PARP11: variants seen among roughly 807,000 people sequenced by gnomAD.
PARP11 encodes poly(ADP-ribose) polymerase family member 11.
A neutral mutation model predicts 42.9 loss-of-function variants in PARP11; 31 were observed. That is an observed-to-expected ratio of 0.72 (90% confidence interval 0.54 to 0.98). The LOEUF is 0.98. Among genes scored for constraint, PARP11 ranks in the 50% least tolerant of loss-of-function variants. PARP11 has a pLI of 0.00. For missense variants in PARP11, 365 were observed against 413.1 expected (o/e 0.88, Z 1.01); for synonymous variants, 137 against 127.3 (o/e 1.08, Z -0.51).
rs760257043 is a variant in PARP11 at position 3,826,241 on chromosome 12, C to T, written c.269-8G>A. On this transcript the variant is annotated splice_polypyrimidine_tract_variant and splice_region_variant and intron_variant, in intron 3 of 7. Transcript: ENST00000228820. ...GATTCATTTGCTTCATTTCTGTATA[C>T]AAAGACAAGATATTAGATAAGTCAT... 1.3e-6 allele frequency: 2 copies of T among 1,572,314 alleles called. No individual in the cohort carries two copies. Among genetic ancestry groups the T allele is most frequent in the Non-Finnish European group, 1.7e-6 (2 of 1,163,236 alleles).
At chr12:3,823,129 TAATA>T (rs1947436711) in intron 4 of PARP11, among the ~76,000 whole-genome samples, 5 of 152,214 alleles carry the variant, frequency 3.3e-5, no homozygotes, top group African/African-American at 1.2e-4. Flanking sequence ...CTAAATAAAT[TAATA>T]AATTTCAAAC....
intron 3 of PARP11, 103 bp from the exon 4 acceptor site, chr12:3,826,336 A>G: frequency 1.3e-6 from 1 of 755,160 alleles, no homozygotes. Flanking sequence ...GGAATCATGG[A>G]GCTTCGGGAG....
chr12:3,853,633 A>G (rs1273567536), intron 1 of PARP11, among the ~76,000 whole-genome samples: 2 of 152,212 alleles, frequency 1.3e-5, no homozygotes, highest in African/African-American at 2.4e-5. Context: ...AGATTCATAA[A>G]GCAAGTCCTT....
chr12:3,872,602 C>T, intron 1 of PARP11: 1 of 984,276 alleles, frequency 1.0e-6, no homozygotes, highest in Non-Finnish European at 1.2e-6. Flanking sequence ...ACATACAGTC[C>T]ATACTCCAAG....
At chr12:3,860,563 G>A (rs74056010) in intron 1 of PARP11, among the ~76,000 whole-genome samples, 1 of 152,094 alleles carries the variant, frequency 6.6e-6, no homozygotes, top group African/African-American at 2.4e-5. Context: ...AAGATTTCAT[G>A]GAACTTGCTC....
At chr12:3,863,218 C>T (rs1489340004) in intron 1 of PARP11, among the ~76,000 whole-genome samples, 2 of 152,176 alleles carry the variant, frequency 1.3e-5, no homozygotes, top group East Asian at 3.8e-4. Flanking sequence ...AATTCCATAT[C>T]TAGCAACCTT....
intron 1 of PARP11, among the ~76,000 whole-genome samples, chr12:3,866,531 T>C (rs1381545581): frequency 6.6e-6 from 1 of 152,220 alleles, no homozygotes; most frequent in African/African-American, 2.4e-5. Context: ...AAAATCACTT[T>C]ATTTTCTTTA....
chr12:3,848,586 T>C (rs1400925725), intron 1 of PARP11, among the ~76,000 whole-genome samples: 1 of 152,158 alleles, frequency 6.6e-6, no homozygotes, highest in Non-Finnish European at 1.5e-5. Flanking sequence ...CTGGGAAAAC[T>C]GAATAAAGAC....
intron 6 of PARP11, among the ~76,000 whole-genome samples, chr12:3,815,948 G>A (rs1947278334): frequency 1.3e-5 from 2 of 152,170 alleles, no homozygotes; most frequent in East Asian, 1.9e-4. Flanking sequence ...AGATGAAAAC[G>A]CATACGGTCT....
chr12:3,840,268 T>C lies in PARP11; in HGVS notation c.19-10250A>G. On this transcript the variant is annotated intron_variant, in intron 1 of 7. Transcript: ENST00000228820. This position sits in a 1 kb window ranked among gnomAD's most constrained non-coding sequence, Gnocchi z 4.4. ...AGTTTTGGTTGAAGAACTGGGAAAG[T>C]ACACATCAAAGAACCTCAAGGCACC... The C allele has an allele frequency of 1.2e-6, 2 of 1,613,846 alleles. No individual in the cohort carries two copies. Among genetic ancestry groups the C allele is most frequent in the Non-Finnish European group, 1.7e-6 (2 of 1,179,760 alleles).
At chr12:3,841,881 T>C (rs1442452666) in intron 1 of PARP11, 5 of 1,608,060 alleles carry the variant, frequency 3.1e-6, no homozygotes, top group Non-Finnish European at 2.6e-6. Flanking sequence ...CTAAAGATTG[T>C]GGTTCAGTTT....
In PARP11 at chr12:3,824,128, A is replaced by T. The variant is rs547294405; in HGVS notation, c.345-1971T>A. 2.5e-4 allele frequency among the ~76,000 whole-genome samples: 38 copies of T among 152,230 alleles called. No individual in the cohort carries two copies. The South Asian group carries it at 7.9e-3, about 32-fold the overall frequency. ...TATAGAAATCATCTGTTTTCCCACA[A>T]CCACTCCAAAAAGGTGTGTGATCAA... On this transcript the variant is annotated intron_variant, in intron 4 of 7. Transcript: ENST00000228820.
At chr12:3,835,281 C>A (rs1344390392) in intron 1 of PARP11, among the ~76,000 whole-genome samples, 2 of 152,136 alleles carry the variant, frequency 1.3e-5, no homozygotes, top group Admixed American at 1.3e-4. Flanking sequence ...CATAAGTAGT[C>A]AGGTTAAGAG....
intron 1 of PARP11, among the ~76,000 whole-genome samples, chr12:3,868,114 A>C (rs1008371461): frequency 2.7e-5 from 4 of 149,198 alleles, no homozygotes; most frequent in Admixed American, 6.7e-5. Context: ...AAGAAGCTGC[A>C]AAAAAAAAAT....
chr12:3,816,157 G>C (rs1029508603), intron 6 of PARP11, among the ~76,000 whole-genome samples: 1 of 152,004 alleles, frequency 6.6e-6, no homozygotes, highest in South Asian at 2.1e-4. Context: ...TTTAAACAAG[G>C]CGCATTTGTT....
intron 1 of PARP11, among the ~76,000 whole-genome samples, chr12:3,871,060 GTGCAACTA>G (rs1377362782): frequency 2.0e-5 from 3 of 152,176 alleles, no homozygotes; most frequent in Non-Finnish European, 4.4e-5. Flanking sequence ...GAACCATAAT[GTGCAACTA>G]CCAAATCCAG....
chr12:3,866,776 C>T (rs1017726712), intron 1 of PARP11, among the ~76,000 whole-genome samples: 4 of 152,166 alleles, frequency 2.6e-5, no homozygotes, highest in African/African-American at 9.7e-5. Context: ...TGCTGAGAAG[C>T]TAGTCAATTC....
At chr12:3,869,873 C>T (rs1157879413) in intron 1 of PARP11, among the ~76,000 whole-genome samples, 1 of 152,208 alleles carries the variant, frequency 6.6e-6, no homozygotes, top group Non-Finnish European at 1.5e-5. Context: ...TGGGACTTCG[C>T]ACTAACTAGC....
chr12:3,839,974 C>G (rs1304207855), intron 1 of PARP11: 1 of 1,461,572 alleles, frequency 6.8e-7, no homozygotes, highest in Non-Finnish European at 9.6e-7. Context: ...TGGATTTAAA[C>G]CTTTGTCAGG....
Sources: allele counts gnomAD v4.1 joint callset (sites outside exome capture counted in the v4.1 genomes callset), GRCh38; gene constraint gnomAD v4.1.1; non-coding constraint Gnocchi (gnomAD v3.1); transcripts MANE v1.5; gene names NCBI Gene and HGNC (gene_info 2026-07-23, HGNC 2026-07-21).